ADGRF5: variants seen among roughly 807,000 people sequenced by gnomAD.
The protein encoded by ADGRF5 is adhesion G protein-coupled receptor F5, also known as G-protein coupled receptor 116.
In ADGRF5, 75 loss-of-function variants were observed where a neutral mutation model predicts 132.3. The ratio of observed to expected loss-of-function variants is 0.57; its 90% CI spans 0.47 to 0.69. The LOEUF is 0.69. Among genes scored for constraint, ADGRF5 ranks in the 30% least tolerant of loss-of-function variants. The pLI is 0.00. For missense variants in ADGRF5, 1,516 were observed against 1,630.6 expected, an observed-to-expected ratio of 0.93 and a Z score of 1.21; for synonymous variants, 629 against 597.6, an observed-to-expected ratio of 1.05 and a Z score of -0.77.
chr6:46,943,597 G>A (rs1458512476), intron 1 of ADGRF5, among the ~76,000 whole-genome samples: 1 of 152,142 alleles, frequency 6.6e-6, no homozygotes, highest in Non-Finnish European at 1.5e-5. Context: ...AATGCACAAT[G>A]TCATTTAATT....
intron 3 of ADGRF5, among the ~76,000 whole-genome samples, chr6:46,894,778 C>T (rs141176351): frequency 6.6e-6 from 1 of 152,308 alleles, no homozygotes; most frequent in African/African-American, 2.4e-5. Context: ...TACATGAAAA[C>T]CCCTAACAAA....
intron 8 of ADGRF5, among the ~76,000 whole-genome samples, chr6:46,880,348 C>A (rs1462940454): frequency 1.4e-5 from 1 of 73,258 alleles, no homozygotes; most frequent in Non-Finnish European, 2.9e-5. Flanking sequence ...GAAAATTGCA[C>A]ATTTTTTTAT....
intron 1 of ADGRF5, among the ~76,000 whole-genome samples, chr6:46,930,962 G>T (rs1289292482): frequency 6.6e-6 from 1 of 152,164 alleles, no homozygotes; most frequent in Non-Finnish European, 1.5e-5. Context: ...GCTGAGGTGG[G>T]AGGATCACTT....
Position 46,877,385 on chromosome 6 carries a change from C to T in ADGRF5, c.1240+817G>A, listed in dbSNP as rs900344749. 3.5e-5 allele frequency among the ~76,000 whole-genome samples: 4 copies of T among 114,490 alleles called. No individual in the cohort carries two copies. In the Admixed American group the frequency reaches 3.9e-4, roughly 11 times the overall value. The allele number at this position is 114,490 out of a possible 152,430, so 75.1% of individuals were successfully genotyped here. A position where few individuals can be genotyped will look rare whatever the true frequency, so the allele number is the denominator to read the frequency against. ...TCTTTCTTTCTTTCTTTCTTTCTTT[C>T]TTCTTTCTTTTTTTTCATATTTGAC... On this transcript the variant is annotated intron_variant, in intron 10 of 20. Transcript: ENST00000283296.
At chr6:46,905,897 T>C (rs1302140608) in intron 2 of ADGRF5, among the ~76,000 whole-genome samples, 1 of 152,210 alleles carries the variant, frequency 6.6e-6, no homozygotes, top group East Asian at 1.9e-4. Flanking sequence ...ACTAATTTAA[T>C]TTTCATAACA....
chr6:46,881,503 T>C lies in ADGRF5; in HGVS notation c.766A>G (p.Asn256Asp). ...KANEQVVQSL[N>D]QTYKMDYNSF... ...TTGTAGTCCATTTTGTAGGTCTGAT[T>C]GAGGCTCTGTACAACTTGTTCATTG... is the stretch of plus-strand genomic sequence containing the variant. The change falls in exon 8 of 21, where the codon AAT (asparagine) becomes GAT (aspartate). Residue 256 changes from asparagine (N) to aspartate (D), a missense_variant. Asn to Asp is a conservative substitution (Grantham distance 23). This residue lies in a region of ADGRF5 where 945 missense variants were observed against 929.4 expected (regional missense o/e 1.02). Coordinates refer to ENST00000283296, the MANE Select transcript of ADGRF5 (RefSeq NM_001098518.2). 1 of 1,613,474 alleles carries C rather than the reference T, an allele frequency of 6.2e-7. No homozygotes were observed. The highest frequency in any genetic ancestry group is 8.5e-7 in the Non-Finnish European group (1 of 1,179,388).
intron 1 of ADGRF5, among the ~76,000 whole-genome samples, chr6:46,952,687 C>T (rs1778544640): frequency 6.6e-6 from 1 of 152,186 alleles, no homozygotes; most frequent in Admixed American, 6.5e-5. Flanking sequence ...AGACAATGTA[C>T]ACATTCATTT....
chr6:46,941,306 G>T (rs1200965061), intron 1 of ADGRF5, among the ~76,000 whole-genome samples: 1 of 151,264 alleles, frequency 6.6e-6, no homozygotes, highest in Non-Finnish European at 1.5e-5. Context: ...CTCCAACCTG[G>T]GTGACAGAGA....
intron 1 of ADGRF5, among the ~76,000 whole-genome samples, chr6:46,953,036 A>C (rs1003077621): frequency 1.3e-5 from 2 of 152,164 alleles, no homozygotes; most frequent in Non-Finnish European, 2.9e-5. Context: ...GAGCATTCAA[A>C]TATTAGGGAA....
At chr6:46,860,278 G>C (rs1769588144) in intron 16 of ADGRF5, among the ~76,000 whole-genome samples, 1 of 152,072 alleles carries the variant, frequency 6.6e-6, no homozygotes, top group South Asian at 2.1e-4. Context: ...TACCTCTGTA[G>C]GTATCCCTTC....
chr6:46,929,796 A>G (rs922320406), intron 1 of ADGRF5, among the ~76,000 whole-genome samples: 1 of 149,724 alleles, frequency 6.7e-6, no homozygotes, highest in Non-Finnish European at 1.5e-5. Flanking sequence ...TATTCTTCTT[A>G]TTATTTTTAT....
chr6:46,914,633 T>C (rs1259147728), intron 1 of ADGRF5, among the ~76,000 whole-genome samples: 3 of 151,990 alleles, frequency 2.0e-5, no homozygotes, highest in Non-Finnish European at 2.9e-5. Context: ...TCTTTTCTTG[T>C]TGTTAAGTCA....
intron 10 of ADGRF5, among the ~76,000 whole-genome samples, chr6:46,877,443 A>G (rs1461134972): frequency 6.7e-6 from 1 of 149,294 alleles, no homozygotes; most frequent in Non-Finnish European, 1.5e-5. Context: ...CTGAACCTCA[A>G]TTTCCTTATT....
chr6:46,941,752 C>T (rs1778100248), intron 1 of ADGRF5, among the ~76,000 whole-genome samples: 1 of 152,062 alleles, frequency 6.6e-6, no homozygotes, highest in African/African-American at 2.4e-5. Flanking sequence ...TAGAAAAACA[C>T]TGGCAGATAG....
At chr6:46,864,623 C>T (rs1320813335) in intron 14 of ADGRF5, among the ~76,000 whole-genome samples, 1 of 151,302 alleles carries the variant, frequency 6.6e-6, no homozygotes, top group Admixed American at 6.6e-5. Context: ...CTCCTGGGTT[C>T]AAGCGATTCT....
At chr6:46,906,005 C>A (rs1211026393) in intron 2 of ADGRF5, among the ~76,000 whole-genome samples, 1 of 152,184 alleles carries the variant, frequency 6.6e-6, no homozygotes, top group Non-Finnish European at 1.5e-5. Flanking sequence ...CAACCAGTAA[C>A]ATGCCCTGTC....
At chr6:46,939,110 C>T (rs2150941806) in intron 1 of ADGRF5, among the ~76,000 whole-genome samples, 1 of 152,220 alleles carries the variant, frequency 6.6e-6, no homozygotes, top group South Asian at 2.1e-4. Flanking sequence ...ACCTCGTGAT[C>T]CCCCCAGCCT....
At chr6:46,874,360 C>A (rs1771407450) in intron 10 of ADGRF5, among the ~76,000 whole-genome samples, 1 of 152,152 alleles carries the variant, frequency 6.6e-6, no homozygotes, top group Non-Finnish European at 1.5e-5. Context: ...CTGATTCTTA[C>A]TGATCCTTAA....
In ADGRF5 at chr6:46,888,487, G is replaced by T. The variant is rs561363773; in HGVS notation, c.176C>A (p.Thr59Lys). 5 of 1,612,784 alleles carry T rather than the reference G, an allele frequency of 3.1e-6. No homozygotes were observed. The highest frequency in any genetic ancestry group is 2.2e-5 in the East Asian group (1 of 44,844). Reference protein sequence around the residue: ...QKRAVATKSPTAEEYTVNIEI... With the variant: ...QKRAVATKSPKAEEYTVNIEI... Reference sequence around the variant, plus strand: ...AATATTAACAGTGTATTCTTCAGCCGTAGGACTTTTTGTGGCAACTGCAAT... The same window carrying T: ...AATATTAACAGTGTATTCTTCAGCCTTAGGACTTTTTGTGGCAACTGCAAT... The change falls in exon 4 of 21, where the codon ACG (threonine) becomes AAG (lysine). Residue 59 changes from threonine (T) to lysine (K), a missense_variant. By Grantham distance (78) the Thr-to-Lys change is moderately conservative (BLOSUM62 -1). This residue lies in a region of ADGRF5 where 945 missense variants were observed against 929.4 expected (regional missense o/e 1.02). Transcript: ENST00000283296.
Sources: gnomAD v4.1 joint callset for allele counts (sites outside exome capture counted in the v4.1 genomes callset) on GRCh38, gnomAD v4.1.1 for gene constraint, gnomAD v4.1.1 regional missense constraint, MANE v1.5 for transcripts, NCBI Gene and HGNC (gene_info 2026-07-23, HGNC 2026-07-21) for gene names.